SCLY: variants seen among roughly 807,000 people sequenced by gnomAD.
The protein encoded by SCLY is putative selenocysteine lyase.
SCLY carries 38 observed loss-of-function variants against 50.1 expected under a neutral mutation model. The observed-to-expected ratio is 0.76, with a 90% CI of 0.59 to 0.99. The LOEUF (loss-of-function observed/expected upper bound fraction) is 0.99. SCLY is among the 50% of genes least tolerant of loss of function. SCLY has a pLI of 0.00. For synonymous variants in SCLY, 243 were observed against 249.4 expected, an observed-to-expected ratio of 0.97 and a Z score of 0.24; for missense variants, 600 against 620.0, an observed-to-expected ratio of 0.97 and a Z score of 0.34.
rs772806498 is a variant in SCLY, at chr2:238,081,844, G to A, written c.612+8G>A. 14 of 1,612,462 alleles carry A rather than the reference G, an allele frequency of 8.7e-6. No individual in the cohort carries two copies. The highest frequency in any genetic ancestry group is 1.7e-4 in the Middle Eastern group (1 of 6,056). The stretch of plus-strand genomic sequence containing the variant: ...GAGACTGGCATTGTCATGGTGAGTC[G>A]GCCTTTGTTTCTCTTTAAGGAGAGC... On this transcript the variant is annotated splice_region_variant and intron_variant, in intron 5 of 11. Coordinates refer to ENST00000254663, the MANE Select transcript of SCLY (RefSeq NM_016510.7).
chr2:238,085,151 A>T (rs978907749), intron 7 of SCLY, among the ~76,000 whole-genome samples: 16 of 152,232 alleles, frequency 1.1e-4, no homozygotes, highest in African/African-American at 3.9e-4. Context: ...GATGATGTTA[A>T]AATTATCTAA....
intron 7 of SCLY, among the ~76,000 whole-genome samples, chr2:238,086,311 G>C (rs1279344485): frequency 6.6e-6 from 1 of 152,224 alleles, no homozygotes; most frequent in East Asian, 1.9e-4. Flanking sequence ...AATATCTGAT[G>C]TGGTTCAAAA....
intron 2 of SCLY, among the ~76,000 whole-genome samples, chr2:238,065,662 TA>T (rs112543298): frequency 1.0e-4 from 13 of 127,910 alleles, no homozygotes; most frequent in South Asian, 3.1e-4. Context: ...TATTTTATTT[TA>T]TTATTATTAT....
rs1559254864 is a variant in SCLY, at chr2:238,098,640, C to CCCACATGGGAACGCCCACATAGAACCGT, written c.*295_*296insACGCCCACATAGAACCGTCCACATGGGA. The CCCACATGGGAACGCCCACATAGAACCGT allele has an allele frequency of 0.024, 8,149 of 346,076 alleles. 151 individuals are homozygous for CCCACATGGGAACGCCCACATAGAACCGT. The highest frequency in any genetic ancestry group is 0.034 in the Admixed American group (707 of 20,896). 21.4% of individuals were successfully genotyped at this position (346,076 alleles called of 1,614,324 possible). The stretch of plus-strand genomic sequence containing the variant: ...ACATGGGACCGCCCACATGGGACCG[C>CCCACATGGGAACGCCCACATAGAACCGT]CCACATGGGACCGCCCACATAGAAC... On this transcript the variant is annotated 3_prime_UTR_variant, in exon 12 of 12. Coordinates refer to ENST00000254663, the MANE Select transcript of SCLY (RefSeq NM_016510.7).
At chr2:238,065,752 G>A (rs1225699861) in intron 2 of SCLY, among the ~76,000 whole-genome samples, 1 of 151,360 alleles carries the variant, frequency 6.6e-6, no homozygotes, top group Non-Finnish European at 1.5e-5. Context: ...TCGGGTCAAT[G>A]CAACCTCCGC....
chr2:238,082,008 C>T (rs748126512), intron 5 of SCLY, 37 bp from the exon 6 acceptor site: 5 of 1,597,608 alleles, frequency 3.1e-6, no homozygotes, highest in Non-Finnish European at 3.4e-6. Flanking sequence ...TTCATCAGAT[C>T]GGAGCAACAT....
At chr2:238,068,219 C>T in intron 3 of SCLY, 54 bp downstream of exon 3, 2 of 1,245,786 alleles carry the variant, frequency 1.6e-6, no homozygotes, top group Non-Finnish European at 1.1e-6. Flanking sequence ...TAATAAAATA[C>T]ACAGAAAGTG....
At position 238,066,801 on chromosome 2, in the gene SCLY, T is replaced by C. The variant is rs150322821; in HGVS notation, c.203-1264T>C. Among the ~76,000 whole-genome samples the C allele has an allele frequency of 4.4e-4, 67 of 152,300 alleles. No homozygotes were observed. The highest frequency in any genetic ancestry group is 1.5e-3 in the African/African-American group (63 of 41,558). The stretch of plus-strand genomic sequence containing the variant: ...GATGTACCTGAGACTGGGTAATTTA[T>C]AAAGGAAAGAGGTTTAATTGACTCA... On this transcript the variant is annotated intron_variant, in intron 2 of 11. Transcript: ENST00000254663. The surrounding 1 kb of genome is among the most constrained non-coding windows in gnomAD (Gnocchi z 4.1).
intron 4 of SCLY, chr2:238,081,371 T>C (rs1429086208): frequency 4.5e-6 from 1 of 222,492 alleles, no homozygotes; most frequent in African/African-American, 2.3e-5. Context: ...GCCAAATGCA[T>C]GGCAGTGAAG....
In SCLY at chr2:238,098,593, G is replaced by GA. The variant is rs1691312034; in HGVS notation, c.*239dup. The GA allele has an allele frequency of 3.1e-6, 1 of 320,374 alleles. No homozygotes were observed. The highest frequency in any genetic ancestry group is 4.0e-5 in the African/African-American group (1 of 25,012). The allele number at this position is 320,374 out of a possible 1,614,324, so 19.8% of individuals were successfully genotyped here. A position where few individuals can be genotyped will look rare whatever the true frequency, so the allele number is the denominator to read the frequency against. On this transcript the variant is annotated 3_prime_UTR_variant, in exon 12 of 12. Transcript: ENST00000254663. ...TGCCCACATGGGACCGCCCACATAG[G>GA]ACCGCCCACATAGGACCGCCCACAT...
chr2:238,086,708 T>TAAAA (rs386393003), intron 7 of SCLY, among the ~76,000 whole-genome samples: 11,749 of 97,500 alleles, frequency 0.12, 1,728 homozygotes, highest in African/African-American at 0.34. Flanking sequence ...CCTGTCTCTT[T>TAAAA]AAAAAAAAAA....
At position 238,098,963 on chromosome 2, in the gene SCLY, C is replaced by A; in HGVS notation, c.*608C>A. The A allele has an allele frequency of 3.7e-6, 1 of 273,636 alleles. No homozygotes were observed. The highest frequency in any genetic ancestry group is 7.1e-6 in the Non-Finnish European group (1 of 140,474). 17.0% of individuals were successfully genotyped at this position (273,636 alleles called of 1,614,324 possible). On this transcript the variant is annotated 3_prime_UTR_variant, in exon 12 of 12. Coordinates refer to ENST00000254663, the MANE Select transcript of SCLY (RefSeq NM_016510.7). ...CCTCTGGCCTCAGTGCACAGTGGCC[C>A]CCAGCCTCGGCCAGGCCTGCTCTGC...
chr2:238,084,951 C>CT (rs140895344), intron 7 of SCLY, among the ~76,000 whole-genome samples: 1,836 of 147,176 alleles, frequency 0.012, 48 homozygotes, highest in African/African-American at 0.044. Flanking sequence ...GTGATGGTGG[C>CT]ATACCCCTTC....
Position 238,067,982 on chromosome 2 carries a change from C to T in SCLY, c.203-83C>T, listed in dbSNP as rs1576662010. On this transcript the variant is annotated intron_variant, in intron 2 of 11. Coordinates refer to ENST00000254663, the MANE Select transcript of SCLY (RefSeq NM_016510.7). This position sits in a 1 kb window ranked among gnomAD's most constrained non-coding sequence, Gnocchi z 4.3. Reference sequence around the variant, plus strand: ...GAACGGCCCACGCAGACCTCTTATTCCTTTGTATTTGGTTGTCCTTTTAGA... The same window carrying T: ...GAACGGCCCACGCAGACCTCTTATTTCTTTGTATTTGGTTGTCCTTTTAGA... The T allele has an allele frequency of 2.0e-6, 2 of 1,014,146 alleles. No individual in the cohort carries two copies. Among genetic ancestry groups the T allele is most frequent in the Non-Finnish European group, 3.0e-6 (2 of 668,082 alleles). The allele number at this position is 1,014,146 out of a possible 1,614,324, so 62.8% of individuals were successfully genotyped here.
rs2065011751 is a variant in SCLY at position 238,061,078 on chromosome 2, G to T, written c.24G>T (p.Gly8=). The part of the protein sequence containing the change: MEAAVAP[G]RDAPAPAASQ... Reference sequence around the variant, plus strand: ...GGATGGAGGCGGCCGTGGCGCCGGGGAGGGATGCGCCGGCACCCGCGGCGA... The same window carrying T: ...GGATGGAGGCGGCCGTGGCGCCGGGTAGGGATGCGCCGGCACCCGCGGCGA... The change falls in exon 1 of 12, where the codon GGG becomes GGT. Residue 8 remains glycine, a synonymous_variant. Coordinates refer to ENST00000254663, the MANE Select transcript of SCLY (RefSeq NM_016510.7). 1.4e-5 allele frequency: 20 copies of T among 1,395,146 alleles called. No individual in the cohort carries two copies. Among genetic ancestry groups the T allele is most frequent in the Non-Finnish European group, 1.7e-5 (19 of 1,085,942 alleles). 86.4% of individuals were successfully genotyped at this position (1,395,146 alleles called of 1,614,324 possible). A position where few individuals can be genotyped will look rare whatever the true frequency, so the allele number is the denominator to read the frequency against.
Position 238,098,621 on chromosome 2 carries a change from G to T in SCLY, c.*266G>T, listed in dbSNP as rs573047356. On this transcript the variant is annotated 3_prime_UTR_variant, in exon 12 of 12. Transcript: ENST00000254663. ...CGCCCACATAGGACCGCCCACATGG[G>T]ACCGCCCACATGGGACCGCCCACAT... 6.5e-6 allele frequency: 2 copies of T among 307,340 alleles called. No homozygotes were observed. Among genetic ancestry groups the T allele is most frequent in the Non-Finnish European group, 1.2e-5 (2 of 170,504 alleles). The allele number at this position is 307,340 out of a possible 1,614,324, so 19.0% of individuals were successfully genotyped here. A position where few individuals can be genotyped will look rare whatever the true frequency, so the allele number is the denominator to read the frequency against.
chr2:238,079,372 T>G (rs1332182311), intron 4 of SCLY: 1 of 152,180 alleles, frequency 6.6e-6, no homozygotes, highest in Non-Finnish European at 1.5e-5. Flanking sequence ...CTGGCCAATT[T>G]CATATCTTTT....
chr2:238,098,629 A>ACATGGGACCGCCCG lies in SCLY; in HGVS notation c.*287_*288insGCATGGGACCGCCC, dbSNP rs1691333923. ...TAGGACCGCCCACATGGGACCGCCC[A>ACATGGGACCGCCCG]CATGGGACCGCCCACATGGGACCGC... On this transcript the variant is annotated 3_prime_UTR_variant, in exon 12 of 12. Transcript: ENST00000254663. 1 of 361,338 alleles carries ACATGGGACCGCCCG rather than the reference A, an allele frequency of 2.8e-6. No homozygotes were observed. Among genetic ancestry groups the ACATGGGACCGCCCG allele is most frequent in the Admixed American group, 4.6e-5 (1 of 21,518 alleles). The allele number at this position is 361,338 out of a possible 1,614,324, so 22.4% of individuals were successfully genotyped here. A position where few individuals can be genotyped will look rare whatever the true frequency, so the allele number is the denominator to read the frequency against.
intron 4 of SCLY, 143 bp from the exon 5 acceptor site, chr2:238,081,566 G>A: frequency 1.7e-6 from 2 of 1,167,272 alleles, no homozygotes; most frequent in Non-Finnish European, 2.4e-6. Flanking sequence ...ATGATGGGCG[G>A]CTTATATTCT....
Sources: allele counts gnomAD v4.1 joint callset (sites outside exome capture counted in the v4.1 genomes callset), GRCh38; gene constraint gnomAD v4.1.1; non-coding constraint Gnocchi (gnomAD v3.1); transcripts MANE v1.5; gene names NCBI Gene and HGNC (gene_info 2026-07-23, HGNC 2026-07-21).